CSMD2: variants seen among roughly 807,000 people sequenced by gnomAD.
The protein encoded by CSMD2 is CUB and sushi domain-containing protein 2.
In CSMD2, 130 loss-of-function variants were observed where a neutral mutation model predicts 398.5. The observed-to-expected ratio is 0.33, with a 90% confidence interval of 0.28 to 0.38. The LOEUF (loss-of-function observed/expected upper bound fraction) is 0.38, where lower values mean the gene tolerates loss of function less well. Ranked by LOEUF, CSMD2 falls within the 10% of genes least tolerant of loss-of-function variation. The pLI is 1.00. For synonymous variants in CSMD2, 1,828 were observed against 1,908.5 expected (o/e 0.96, Z 1.10); for missense variants, 3,829 against 4,764.9 (o/e 0.80, Z 5.78).
chr1:33,936,498 G>T (rs762111343), intron 3 of CSMD2, among the ~76,000 whole-genome samples: 1 of 152,236 alleles, frequency 6.6e-6, no homozygotes, highest in Non-Finnish European at 1.5e-5. Flanking sequence ...AGGCAGTGAA[G>T]TGGGAAAACA....
chr1:34,057,931 G>A, intron 2 of CSMD2, among the ~76,000 whole-genome samples: 1 of 152,190 alleles, frequency 6.6e-6, no homozygotes, highest in South Asian at 2.1e-4. Flanking sequence ...GTGAGGAGGT[G>A]AGGCACGCTC....
chr1:33,675,028 C>T (rs1571181623), intron 25 of CSMD2, among the ~76,000 whole-genome samples: 1 of 152,234 alleles, frequency 6.6e-6, no homozygotes, highest in Admixed American at 6.5e-5. Flanking sequence ...AATTGACATC[C>T]TAACATCACA....
intron 65 of CSMD2, among the ~76,000 whole-genome samples, chr1:33,526,628 G>A (rs1654797928): frequency 6.6e-6 from 1 of 152,232 alleles, no homozygotes; most frequent in South Asian, 2.1e-4. Context: ...CAAGGACACA[G>A]CTGGTCAGTG....
chr1:33,837,255 A>T (rs1017999474), intron 6 of CSMD2, among the ~76,000 whole-genome samples: 1 of 152,162 alleles, frequency 6.6e-6, no homozygotes, highest in African/African-American at 2.4e-5. Flanking sequence ...TCAGAGAACA[A>T]AGGCAGGTCT....
At chr1:34,092,918 G>A (rs1402306175) in intron 1 of CSMD2, among the ~76,000 whole-genome samples, 1 of 152,036 alleles carries the variant, frequency 6.6e-6, no homozygotes, top group Non-Finnish European at 1.5e-5. Context: ...AGCTCAAGGA[G>A]GCCTGCCTGC....
At chr1:33,917,905 A>C (rs1643806994) in intron 5 of CSMD2, among the ~76,000 whole-genome samples, 189 bp downstream of exon 5, 1 of 152,230 alleles carries the variant, frequency 6.6e-6, no homozygotes, top group Non-Finnish European at 1.5e-5. Flanking sequence ...TCACTATAAA[A>C]ATTACCCCAG....
intron 26 of CSMD2, among the ~76,000 whole-genome samples, chr1:33,660,782 G>A (rs1011053412): frequency 1.1e-4 from 16 of 152,188 alleles, no homozygotes; most frequent in African/African-American, 3.9e-4. Context: ...ATCTTCATGT[G>A]CCCATTTGCT....
intron 22 of CSMD2, 119 bp downstream of exon 22, chr1:33,708,942 CTCTTTCTCCCAGATGAGTGAGGACAGTA>C: frequency 1.5e-6 from 1 of 665,914 alleles, no homozygotes; most frequent in Non-Finnish European, 2.4e-6. Flanking sequence ...TTTTGGTCCT[CTCTTTCTCCCAGATGAGTGAGGACAGTA>C]TTTTGGGACT....
chr1:33,812,798 C>A (rs1657004925), intron 9 of CSMD2, among the ~76,000 whole-genome samples: 1 of 152,302 alleles, frequency 6.6e-6, no homozygotes, highest in South Asian at 2.1e-4. Context: ...ACCTTTGGGA[C>A]AAGAGATAAT....
intron 3 of CSMD2, among the ~76,000 whole-genome samples, chr1:33,991,687 G>A (rs1646558285): frequency 6.6e-6 from 1 of 152,118 alleles, no homozygotes; most frequent in Admixed American, 6.5e-5. Context: ...AACACCACGG[G>A]GAGTCAGAAA....
At chr1:33,648,340 T>C (rs1402167037) in intron 28 of CSMD2, among the ~76,000 whole-genome samples, 3 of 137,968 alleles carry the variant, frequency 2.2e-5, no homozygotes, top group Non-Finnish European at 4.6e-5. Flanking sequence ...CCAGTCTGGG[T>C]GACAGAGCGA....
At position 33,604,955 on chromosome 1, in the gene CSMD2, T is replaced by G. The variant is rs142659063; in HGVS notation, c.6532+327A>C. Among the ~76,000 whole-genome samples, 281 of 152,278 alleles carry G rather than the reference T, an allele frequency of 1.8e-3. 1 individual carries two copies. Among genetic ancestry groups the G allele is most frequent in the African/African-American group, 6.4e-3 (266 of 41,562 alleles). ...TCTAGCTCTCAGCATACCACTGGGC[T>G]CCCACTCCCTCACATGGAGCCTTCC... On this transcript the variant is annotated intron_variant, in intron 42 of 70. Coordinates refer to ENST00000373381, the MANE Select transcript of CSMD2 (RefSeq NM_001281956.2).
intron 2 of CSMD2, among the ~76,000 whole-genome samples, chr1:34,065,231 T>C (rs2148277660): frequency 6.6e-6 from 1 of 152,256 alleles, no homozygotes; most frequent in Middle Eastern, 3.4e-3. Context: ...TCTTCTTCTC[T>C]CCCATGTCCA....
At chr1:33,981,984 G>A (rs1379430273) in intron 3 of CSMD2, among the ~76,000 whole-genome samples, 2 of 152,188 alleles carry the variant, frequency 1.3e-5, no homozygotes, top group Non-Finnish European at 2.9e-5. Context: ...CAGAGTGGCT[G>A]TAAGTCTGCT....
At chr1:33,723,983 G>A (rs1449028817) in intron 19 of CSMD2, among the ~76,000 whole-genome samples, 1 of 152,162 alleles carries the variant, frequency 6.6e-6, no homozygotes, top group Non-Finnish European at 1.5e-5. Flanking sequence ...TCTTCCAGCA[G>A]GGAGATTTTA....
Position 33,808,953 on chromosome 1 carries a change from T to C in CSMD2, c.1446+1790A>G, listed in dbSNP as rs77243566. ...TGTATAACTTTATATCCAATAAATTTTAATATTTACTAAAATGGAGTCAAG... is the reference window on the plus strand; with the variant it reads ...TGTATAACTTTATATCCAATAAATTCTAATATTTACTAAAATGGAGTCAAG... On this transcript the variant is annotated intron_variant, in intron 10 of 70. Transcript: ENST00000373381. Among the ~76,000 whole-genome samples the C allele has an allele frequency of 9.0e-3, 1,293 of 143,776 alleles. 67 individuals are homozygous for C. Among genetic ancestry groups the C allele is most frequent in the Admixed American group, 0.079 (1,098 of 13,982 alleles). The allele number at this position is 143,776 out of a possible 152,430, so 94.3% of individuals were successfully genotyped here.
intron 24 of CSMD2, among the ~76,000 whole-genome samples, chr1:33,698,523 A>AAAGGC (rs1645496935): frequency 6.6e-6 from 1 of 152,240 alleles, no homozygotes. Flanking sequence ...AATGTGCGAC[A>AAAGGC]AAGGCAAGCC....
At chr1:33,742,933 A>G (rs2149254895) in intron 14 of CSMD2, among the ~76,000 whole-genome samples, 1 of 152,262 alleles carries the variant, frequency 6.6e-6, no homozygotes, top group Admixed American at 6.5e-5. Flanking sequence ...AGAATGATAG[A>G]GGCTTTCTTT....
At chr1:33,618,617 G>A (rs1254559996) in intron 37 of CSMD2, among the ~76,000 whole-genome samples, 1 of 151,868 alleles carries the variant, frequency 6.6e-6, no homozygotes, top group Non-Finnish European at 1.5e-5. Context: ...TGTTTTGCTA[G>A]AGCACCCAGC....
Sources: gnomAD v4.1 joint callset for allele counts (sites outside exome capture counted in the v4.1 genomes callset) on GRCh38, gnomAD v4.1.1 for gene constraint, MANE v1.5 for transcripts, NCBI Gene and HGNC (gene_info 2026-07-23, HGNC 2026-07-21) for gene names.